The following MACROD2 variants were observed in gnomAD, a reference collection of about 807,000 sequenced individuals.
MACROD2 encodes the protein ADP-ribose glycohydrolase MACROD2.
A neutral mutation model predicts 70.4 loss-of-function variants in MACROD2; 36 were observed. The observed-to-expected ratio is 0.51, with a 90% CI of 0.39 to 0.68. MACROD2 has a LOEUF of 0.68. Ranked by LOEUF, MACROD2 falls within the 30% of genes least tolerant of loss-of-function variation. The probability of loss-of-function intolerance (pLI) is 0.00; values close to 1 mark genes in which losing one functional copy is unlikely to be tolerated. For missense variants in MACROD2, 496 were observed against 538.4 expected (o/e 0.92, Z 0.78); for synonymous variants, 172 against 178.8 (o/e 0.96, Z 0.30).
chr20:14,318,093 G>T (rs748739500), intron 3 of MACROD2, among the ~76,000 whole-genome samples: 30 of 152,112 alleles, frequency 2.0e-4, no homozygotes, highest in African/African-American at 6.5e-4. Flanking sequence ...ATTAAAATGC[G>T]AGTTTCCAGC....
intron 9 of MACROD2, among the ~76,000 whole-genome samples, chr20:15,882,822 C>T (rs1042304394): frequency 4.6e-5 from 7 of 151,968 alleles, no homozygotes; most frequent in African/African-American, 7.2e-5. Context: ...GATCCTTCCA[C>T]ACATGGGAGT....
intron 4 of MACROD2, among the ~76,000 whole-genome samples, chr20:14,635,684 T>A (rs1348035271): frequency 6.6e-6 from 1 of 152,240 alleles, no homozygotes; most frequent in Non-Finnish European, 1.5e-5. Flanking sequence ...TTTATTTTGA[T>A]CAATACTGTA....
At chr20:14,834,490 G>A (rs1187851807) in intron 5 of MACROD2, among the ~76,000 whole-genome samples, 1 of 151,988 alleles carries the variant, frequency 6.6e-6, no homozygotes, top group East Asian at 1.9e-4. Context: ...AATCACTGCA[G>A]ACTCAGTGGA....
intron 5 of MACROD2, among the ~76,000 whole-genome samples, chr20:15,127,860 G>T (rs1315921205): frequency 6.6e-6 from 1 of 152,054 alleles, no homozygotes; most frequent in African/African-American, 2.4e-5. Context: ...AGAGGGTGGG[G>T]ATAATTAGGG....
intron 5 of MACROD2, among the ~76,000 whole-genome samples, chr20:14,955,107 A>C (rs1191093333): frequency 2.2e-4 from 2 of 8,938 alleles, no homozygotes; most frequent in Non-Finnish European, 6.2e-4. Context: ...AATATAATTT[A>C]TATTATATAT....
chr20:14,416,120 A>T (rs367840084), intron 3 of MACROD2, among the ~76,000 whole-genome samples: 1 of 151,826 alleles, frequency 6.6e-6, no homozygotes, highest in Non-Finnish European at 1.5e-5. Flanking sequence ...CACCACGCCC[A>T]GCTAATTTTT....
intron 3 of MACROD2, among the ~76,000 whole-genome samples, chr20:14,140,739 T>A (rs1334729882): frequency 6.6e-6 from 1 of 152,138 alleles, no homozygotes; most frequent in Non-Finnish European, 1.5e-5. Context: ...TTTCCTTTCA[T>A]TGTCAAGCCT....
At chr20:15,346,107 AT>A (rs11477138) in intron 6 of MACROD2, among the ~76,000 whole-genome samples, 42,457 of 140,394 alleles carry the variant, frequency 0.3, 6,489 homozygotes, top group Non-Finnish European at 0.38. Context: ...TAAGGTAAAA[AT>A]TTTTTTTTTT....
intron 5 of MACROD2, among the ~76,000 whole-genome samples, chr20:14,898,184 G>C (rs1488790883): frequency 6.6e-6 from 1 of 152,010 alleles, no homozygotes; most frequent in East Asian, 1.9e-4. Context: ...ATTAAATGTG[G>C]GTAGTGATTA....
intron 7 of MACROD2, among the ~76,000 whole-genome samples, chr20:15,432,036 C>T (rs932509953): frequency 6.6e-6 from 1 of 151,976 alleles, no homozygotes; most frequent in Non-Finnish European, 1.5e-5. Flanking sequence ...TCTAAATATT[C>T]TTCCACCTAC....
chr20:14,750,009 G>C (rs1465684668), intron 5 of MACROD2, among the ~76,000 whole-genome samples: 1 of 152,052 alleles, frequency 6.6e-6, no homozygotes, highest in East Asian at 1.9e-4. Context: ...AAAAATATGA[G>C]TATACTTAAC....
chr20:15,204,249 C>T (rs946528306), intron 5 of MACROD2, among the ~76,000 whole-genome samples: 1 of 152,110 alleles, frequency 6.6e-6, no homozygotes, highest in Non-Finnish European at 1.5e-5. Flanking sequence ...ATTTTCCACA[C>T]GCTAATTAAA....
At chr20:15,959,079 G>C (rs1278129015) in intron 12 of MACROD2, among the ~76,000 whole-genome samples, 1 of 152,168 alleles carries the variant, frequency 6.6e-6, no homozygotes, top group Non-Finnish European at 1.5e-5. Flanking sequence ...TCATAGTTAA[G>C]CCTACTCTAA....
chr20:15,579,474 C>T (rs181610859), intron 8 of MACROD2, among the ~76,000 whole-genome samples: 7 of 152,220 alleles, frequency 4.6e-5, no homozygotes, highest in Non-Finnish European at 7.4e-5. Context: ...TTTTGTCAAG[C>T]AGAATGAAAT....
intron 3 of MACROD2, among the ~76,000 whole-genome samples, chr20:14,188,516 A>G (rs1274473373): frequency 2.6e-5 from 4 of 152,170 alleles, no homozygotes; most frequent in African/African-American, 4.8e-5. Flanking sequence ...TAAAGAGAGC[A>G]TTAGCACTTA....
intron 3 of MACROD2, among the ~76,000 whole-genome samples, chr20:14,399,021 A>AT (rs57218208): frequency 0.3 from 42,014 of 139,058 alleles, 6,403 homozygotes; most frequent in Admixed American, 0.37. Flanking sequence ...CTCAATGAGT[A>AT]TTTTTTTTTT....
chr20:14,565,124 C>CT (rs1418585794), intron 4 of MACROD2, among the ~76,000 whole-genome samples: 2 of 151,754 alleles, frequency 1.3e-5, no homozygotes. Flanking sequence ...CAGGTGAGAG[C>CT]TAAACAATGG....
At chr20:14,876,704 C>T (rs933671548) in intron 5 of MACROD2, among the ~76,000 whole-genome samples, 1 of 152,140 alleles carries the variant, frequency 6.6e-6, no homozygotes, top group Admixed American at 6.5e-5. Context: ...TATCCCAGCA[C>T]CATTTATTCG....
intron 7 of MACROD2, among the ~76,000 whole-genome samples, chr20:15,435,626 C>T (rs561331189): frequency 5.3e-5 from 8 of 152,200 alleles, no homozygotes; most frequent in Admixed American, 3.3e-4. Context: ...TTTAAATTTG[C>T]ATTTTCTTGA....
Sources: allele counts gnomAD v4.1 joint callset (sites outside exome capture counted in the v4.1 genomes callset), GRCh38; gene constraint gnomAD v4.1.1; transcripts MANE v1.5; gene names NCBI Gene and HGNC (gene_info 2026-07-23, HGNC 2026-07-21).